The following MCPH1 variants were observed in gnomAD, a reference collection of about 807,000 sequenced individuals.
The protein encoded by MCPH1 is microcephalin.
In MCPH1, 104 loss-of-function variants were observed where a neutral mutation model predicts 84.5. That is an observed-to-expected ratio of 1.23 (90% confidence interval 1.05 to 1.45). The LOEUF is 1.45. Among genes scored for constraint, MCPH1 ranks in the 40% most tolerant of loss-of-function variants. The pLI is 0.00. For synonymous variants in MCPH1, 514 were observed against 366.8 expected (o/e 1.40, Z -4.58); for missense variants, 1,498 against 1,005.7 (o/e 1.49, Z -6.62).
At chr8:6,634,277 C>T (rs1431017196) in intron 13 of MCPH1, among the ~76,000 whole-genome samples, 1 of 152,176 alleles carries the variant, frequency 6.6e-6, no homozygotes, top group Non-Finnish European at 1.5e-5. Flanking sequence ...TAAGAAATGA[C>T]ATGGAATTCA....
chr8:6,609,818 C>T (rs1012435181), intron 12 of MCPH1, among the ~76,000 whole-genome samples: 11 of 57,132 alleles, frequency 1.9e-4, no homozygotes, highest in South Asian at 6.5e-4. Flanking sequence ...CAATGCCCCC[C>T]GCCCCCCCCC....
intron 12 of MCPH1, among the ~76,000 whole-genome samples, chr8:6,533,325 A>G (rs1050582531): frequency 2.6e-5 from 4 of 152,222 alleles, no homozygotes; most frequent in African/African-American, 7.2e-5. Context: ...GTAAAATTAC[A>G]TGATTATGTA....
intron 12 of MCPH1, among the ~76,000 whole-genome samples, chr8:6,559,853 C>T (rs117464131): frequency 0.023 from 3,481 of 152,262 alleles, 63 homozygotes; most frequent in Non-Finnish European, 0.033. Flanking sequence ...TGTGTGCTAG[C>T]GATCATGAGT....
chr8:6,596,964 G>A (rs1828977252), intron 12 of MCPH1, among the ~76,000 whole-genome samples: 1 of 152,168 alleles, frequency 6.6e-6, no homozygotes, highest in South Asian at 2.1e-4. Flanking sequence ...GCTTCTTCAT[G>A]TAAATTAAAT....
intron 1 of MCPH1, 93 bp downstream of exon 1, chr8:6,406,782 C>T (rs936446397): frequency 5.1e-6 from 7 of 1,373,592 alleles, no homozygotes; most frequent in East Asian, 4.7e-5. Flanking sequence ...GTGGGAGGAG[C>T]CCCGCTCGCC....
chr8:6,625,500 T>G, intron 13 of MCPH1: 1 of 984,880 alleles, frequency 1.0e-6, no homozygotes, highest in Non-Finnish European at 1.2e-6. Flanking sequence ...TCAAACCATT[T>G]TAAAGCACCA....
chr8:6,509,909 G>A (rs974435524), intron 12 of MCPH1, among the ~76,000 whole-genome samples: 1 of 152,266 alleles, frequency 6.6e-6, no homozygotes, highest in East Asian at 1.9e-4. Flanking sequence ...CCTGTGGCTC[G>A]CTGCCGCTGC....
At chr8:6,446,489 T>C in intron 8 of MCPH1, 1 of 984,782 alleles carries the variant, frequency 1.0e-6, no homozygotes, top group Non-Finnish European at 1.2e-6. Flanking sequence ...ACAAAAAGAA[T>C]GAAAATAATT....
intron 11 of MCPH1, chr8:6,499,632 TTTC>T (rs1234992845): frequency 4.0e-6 from 2 of 497,596 alleles, no homozygotes; most frequent in Non-Finnish European, 7.2e-6. Context: ...ATGACTCAGA[TTTC>T]TTGTTATCGT....
At chr8:6,431,374 T>G in intron 3 of MCPH1, 125 bp from the exon 4 acceptor site, 2 of 725,128 alleles carry the variant, frequency 2.8e-6, no homozygotes, top group Non-Finnish European at 4.8e-6. Flanking sequence ...ATTTATTTTT[T>G]AAAAGTCTGT....
intron 12 of MCPH1, among the ~76,000 whole-genome samples, chr8:6,574,111 A>G (rs2129576614): frequency 6.6e-6 from 1 of 152,328 alleles, no homozygotes; most frequent in Non-Finnish European, 1.5e-5. Flanking sequence ...AATAGTAAAA[A>G]CAGACCAGCC....
At chr8:6,432,126 C>T (rs1379802342) in intron 4 of MCPH1, among the ~76,000 whole-genome samples, 5 of 152,192 alleles carry the variant, frequency 3.3e-5, no homozygotes, top group Admixed American at 6.5e-5. Context: ...ACAAATCCTC[C>T]CGTATACCTA....
chr8:6,565,350 G>A (rs545240375), intron 12 of MCPH1, among the ~76,000 whole-genome samples: 2 of 152,260 alleles, frequency 1.3e-5, no homozygotes, highest in South Asian at 2.1e-4. Flanking sequence ...AGTGGCATAG[G>A]GTACAATTTT....
chr8:6,470,992 C>T lies in MCPH1; in HGVS notation c.1936-6602C>T, dbSNP rs757027322. On this transcript the variant is annotated intron_variant, in intron 9 of 13. Transcript: ENST00000344683. ...TCATCTTATTCTTTCTCTAAATTTCCTTACAATGGAGGCTGCTACAGTTTA... is the reference window on the plus strand; with the variant it reads ...TCATCTTATTCTTTCTCTAAATTTCTTTACAATGGAGGCTGCTACAGTTTA... Among the ~76,000 whole-genome samples the T allele has an allele frequency of 2.5e-4, 38 of 152,180 alleles. 1 individual carries two copies. Among genetic ancestry groups the T allele is most frequent in the Non-Finnish European group, 5.0e-4 (34 of 68,038 alleles).
At chr8:6,479,342 C>T (rs1197460290) in intron 10 of MCPH1, among the ~76,000 whole-genome samples, 1 of 152,080 alleles carries the variant, frequency 6.6e-6, no homozygotes, top group Non-Finnish European at 1.5e-5. Flanking sequence ...TAAGCATAGA[C>T]AATAACCTCT....
intron 8 of MCPH1, chr8:6,446,962 G>T (rs1050538714): frequency 2.0e-6 from 2 of 985,284 alleles, no homozygotes; most frequent in African/African-American, 1.7e-5. Context: ...GCACCCTGGT[G>T]GGGACGGAGA....
chr8:6,428,468 A>G (rs1249458129), intron 3 of MCPH1, among the ~76,000 whole-genome samples: 1 of 152,136 alleles, frequency 6.6e-6, no homozygotes, highest in Non-Finnish European at 1.5e-5. Flanking sequence ...CCACAATTTA[A>G]AAACATTTTC....
chr8:6,625,488 T>C, intron 13 of MCPH1: 3 of 985,150 alleles, frequency 3.0e-6, no homozygotes, highest in Non-Finnish European at 2.4e-6. Flanking sequence ...ACTAGGAATA[T>C]ATCAAACCAT....
chr8:6,429,741 C>A (rs1246247992), intron 3 of MCPH1, among the ~76,000 whole-genome samples: 1 of 151,938 alleles, frequency 6.6e-6, no homozygotes, highest in Non-Finnish European at 1.5e-5. Flanking sequence ...AGGATTCCCC[C>A]TCCCCATCTT....
Sources: allele counts gnomAD v4.1 joint callset (sites outside exome capture counted in the v4.1 genomes callset), GRCh38; gene constraint gnomAD v4.1.1; transcripts MANE v1.5; gene names NCBI Gene and HGNC (gene_info 2026-07-23, HGNC 2026-07-21).